The following GLB1L3 variants were observed in gnomAD, a reference collection of about 807,000 sequenced individuals.
GLB1L3 encodes beta-galactosidase-1-like protein 3.
Under a neutral mutation model 89.5 loss-of-function variants are expected in GLB1L3, and 89 were observed. The observed-to-expected ratio is 0.99, with a 90% CI of 0.84 to 1.19. The LOEUF is 1.19. GLB1L3 is among the 50% of genes most tolerant of loss of function. The pLI, the probability that GLB1L3 is intolerant of heterozygous loss-of-function variation, is 0.00. For missense variants in GLB1L3, 812 were observed against 813.3 expected, an observed-to-expected ratio of 1.00 and a Z score of 0.02; for synonymous variants, 314 against 312.3, an observed-to-expected ratio of 1.01 and a Z score of -0.06.
chr11:134,280,240 G>A (rs1315522143), intron 3 of GLB1L3, among the ~76,000 whole-genome samples: 2 of 151,544 alleles, frequency 1.3e-5, no homozygotes, highest in Non-Finnish European at 2.9e-5. Context: ...ATTTATCTTG[G>A]GATCATGGAC....
chr11:134,277,747 T>G lies in GLB1L3; in HGVS notation c.197T>G (p.Val66Gly). 6.2e-7 allele frequency: 1 copy of G among 1,613,512 alleles called. No individual in the cohort carries two copies. The highest frequency in any genetic ancestry group is 8.5e-7 in the Non-Finnish European group (1 of 1,179,778). Residue 66 changes from valine to glycine, a missense_variant, in exon 3 of 20, where the codon GTG becomes GGG. By Grantham distance (109) the Val-to-Gly change is moderately radical. Coordinates refer to ENST00000431683, the MANE Select transcript of GLB1L3 (RefSeq NM_001080407.3). ...LTPLELKNRSVGLGTESTGRG... is the reference protein window; with the variant it reads ...LTPLELKNRSGGLGTESTGRG... ...CCTCTGGAGCTGAAGAATCGATCTG[T>G]GGGACTTGGAACTGAAAGCACAGGT...
chr11:134,280,167 T>TTTTA (rs144409069), intron 3 of GLB1L3, among the ~76,000 whole-genome samples: 2,241 of 151,996 alleles, frequency 0.015, 55 homozygotes, highest in African/African-American at 0.047. Flanking sequence ...ACGCTTTCTG[T>TTTTA]TTTATTTATT....
intron 3 of GLB1L3, among the ~76,000 whole-genome samples, chr11:134,279,835 T>A (rs1468893545): frequency 1.3e-5 from 2 of 152,192 alleles, no homozygotes; most frequent in Non-Finnish European, 2.9e-5. Flanking sequence ...GTTAGTACTC[T>A]CTGTATATTT....
intron 3 of GLB1L3, among the ~76,000 whole-genome samples, chr11:134,280,086 G>C (rs970626879): frequency 6.6e-6 from 1 of 152,046 alleles, no homozygotes; most frequent in Non-Finnish European, 1.5e-5. Context: ...TTGCTATATA[G>C]TGCTTTGAAT....
chr11:134,276,589 G>C lies in GLB1L3; in HGVS notation c.-152G>C. 1 of 674,108 alleles carries C rather than the reference G, an allele frequency of 1.5e-6. No homozygotes were observed. The highest frequency in any genetic ancestry group is 2.1e-6 in the Non-Finnish European group (1 of 480,464). 41.8% of individuals were successfully genotyped at this position (674,108 alleles called of 1,614,324 possible). A position where few individuals can be genotyped will look rare whatever the true frequency, so the allele number is the denominator to read the frequency against. On this transcript the variant is annotated 5_prime_UTR_variant, in exon 1 of 20. Coordinates refer to ENST00000431683, the MANE Select transcript of GLB1L3 (RefSeq NM_001080407.3). Reference sequence around the variant, plus strand: ...GACCCGGACCCGGCGCCCGCGCCTCGGGACGGATTTCTGCCTCGGCTGCAG... The same window carrying C: ...GACCCGGACCCGGCGCCCGCGCCTCCGGACGGATTTCTGCCTCGGCTGCAG...
At chr11:134,296,301 A>G (rs1165161752) in intron 9 of GLB1L3, among the ~76,000 whole-genome samples, 2 of 142,084 alleles carry the variant, frequency 1.4e-5, no homozygotes, top group African/African-American at 5.3e-5. Flanking sequence ...TCAGGGATCT[A>G]GAACTAGAAA....
chr11:134,277,172 G>A, intron 1 of GLB1L3, 154 bp from the exon 2 acceptor site: 2 of 903,156 alleles, frequency 2.2e-6, no homozygotes, highest in Non-Finnish European at 3.6e-6. Context: ...ATGCCGCGCT[G>A]TCCTGGCCCT....
At chr11:134,281,964 G>GC in intron 4 of GLB1L3, 61 bp from the exon 5 acceptor site, 1 of 1,332,990 alleles carries the variant, frequency 7.5e-7, no homozygotes, top group Non-Finnish European at 1.0e-6. Context: ...GATGCGTGTG[G>GC]CCCCCACCCG....
In GLB1L3 at chr11:134,277,383, A is replaced by T. The variant is rs746129810; in HGVS notation, c.81A>T (p.Ser27=). 11 of 1,613,924 alleles carry T rather than the reference A, an allele frequency of 6.8e-6. No individual in the cohort carries two copies. The South Asian group carries it at 1.2e-4, about 18-fold the overall frequency. ...TCTTTTTCCTGCCATTTATCTCATCAGGTTTTGCTCCTCGGTTTAAGCAGG... is the reference window on the plus strand; with the variant it reads ...TCTTTTTCCTGCCATTTATCTCATCTGGTTTTGCTCCTCGGTTTAAGCAGG... ...AGIFFLPFIS[S]GFAPRFKQEE... The change falls in exon 2 of 20, where the codon TCA becomes TCT. Residue 27 remains serine, a synonymous_variant. Coordinates refer to ENST00000431683, the MANE Select transcript of GLB1L3 (RefSeq NM_001080407.3).
intron 6 of GLB1L3, among the ~76,000 whole-genome samples, chr11:134,284,128 A>G (rs1353849326): frequency 2.0e-5 from 3 of 152,144 alleles, no homozygotes; most frequent in Admixed American, 2.0e-4. Flanking sequence ...CAATCTTCCC[A>G]TTGCTTCTTT....
chr11:134,294,575 A>G (rs1294263398), intron 9 of GLB1L3, among the ~76,000 whole-genome samples: 1 of 152,212 alleles, frequency 6.6e-6, no homozygotes, highest in Non-Finnish European at 1.5e-5. Context: ...ATACAATTCA[A>G]CATACAGAGT....
At chr11:134,315,936 G>A (rs891975346) in intron 18 of GLB1L3, among the ~76,000 whole-genome samples, 11 of 151,950 alleles carry the variant, frequency 7.2e-5, no homozygotes, top group Non-Finnish European at 1.5e-4. Flanking sequence ...CATCATTTAC[G>A]CGTGGATTTG....
At chr11:134,280,336 A>G (rs1254304837) in intron 3 of GLB1L3, among the ~76,000 whole-genome samples, 2 of 152,070 alleles carry the variant, frequency 1.3e-5, no homozygotes, top group South Asian at 2.1e-4. Flanking sequence ...CATGCATTTT[A>G]AATTTTGGTC....
At chr11:134,280,290 C>T (rs1171265835) in intron 3 of GLB1L3, among the ~76,000 whole-genome samples, 3 of 152,040 alleles carry the variant, frequency 2.0e-5, no homozygotes, top group African/African-American at 2.4e-5. Flanking sequence ...AGATTTACTT[C>T]GTGACATAGT....
chr11:134,310,571 A>G lies in GLB1L3; in HGVS notation c.1100A>G (p.Asp367Gly). The G allele has an allele frequency of 6.2e-7, 1 of 1,611,708 alleles. No individual in the cohort carries two copies. The highest frequency in any genetic ancestry group is 8.5e-7 in the Non-Finnish European group (1 of 1,178,548). Residue 367 changes from aspartate to glycine, a missense_variant and splice_region_variant, in exon 12 of 20, where the codon GAC (aspartate) becomes GGC (glycine). Coordinates refer to ENST00000431683, the MANE Select transcript of GLB1L3 (RefSeq NM_001080407.3). ...GGTGACTGGCCCTGGTGTCTTGCAG[A>G]CTATGATGCAGTGCTCACGGAGGCT... ...GKHSGIVTSY[D>G]YDAVLTEAGD...
At chr11:134,308,556 TCA>T (rs1942512444) in intron 10 of GLB1L3, among the ~76,000 whole-genome samples, 1 of 57,522 alleles carries the variant, frequency 1.7e-5, no homozygotes, top group Non-Finnish European at 3.1e-5. Flanking sequence ...ACCATCACCA[TCA>T]CCACCACCAC....
At chr11:134,313,640 C>T (rs1377299414) in intron 16 of GLB1L3, among the ~76,000 whole-genome samples, 166 bp downstream of exon 16, 1 of 152,226 alleles carries the variant, frequency 6.6e-6, no homozygotes, top group Non-Finnish European at 1.5e-5. Flanking sequence ...GTCTTGCCTT[C>T]TCTGATCTCC....
At chr11:134,307,997 A>C (rs1416454649) in intron 10 of GLB1L3, among the ~76,000 whole-genome samples, 1 of 152,184 alleles carries the variant, frequency 6.6e-6, no homozygotes, top group Non-Finnish European at 1.5e-5. Flanking sequence ...GAACTGAGAA[A>C]AGCCTGTTTT....
intron 10 of GLB1L3, among the ~76,000 whole-genome samples, chr11:134,308,529 C>CCAT (rs1942503007): frequency 1.2e-5 from 1 of 84,702 alleles, no homozygotes. Flanking sequence ...ATGTCCACCA[C>CCAT]CACTACCACC....
Sources: allele counts gnomAD v4.1 joint callset (sites outside exome capture counted in the v4.1 genomes callset), GRCh38; gene constraint gnomAD v4.1.1; transcripts MANE v1.5; gene names NCBI Gene and HGNC (gene_info 2026-07-23, HGNC 2026-07-21).